Variants in ZHX2 observed in about 807,000 individuals in gnomAD.
The protein encoded by ZHX2 is zinc fingers and homeoboxes protein 2.
In ZHX2, 6 loss-of-function variants were observed where a neutral mutation model predicts 21.9. That is an observed-to-expected ratio of 0.27 (90% CI 0.15 to 0.54). The LOEUF is 0.54. Among genes scored for constraint, ZHX2 ranks in the 20% least tolerant of loss-of-function variants. ZHX2 has a pLI of 0.95. For missense variants in ZHX2, 908 were observed against 1,090.7 expected, an observed-to-expected ratio of 0.83 and a Z score of 2.36; for synonymous variants, 434 against 437.1, an observed-to-expected ratio of 0.99 and a Z score of 0.09.
Position 122,952,751 on chromosome 8 carries a change from C to G in ZHX2, c.1241C>G (p.Ala414Gly). ...AAGAGACCCTTGGTGACTCCCCAAG[C>G]TGCCCCCGAACCCAAGCGTCCACAC... is the stretch of plus-strand genomic sequence containing the variant. The part of the protein sequence containing the change: ...GQKRPLVTPQ[A>G]APEPKRPHIA... The change falls in exon 3 of 4, where the codon GCT becomes GGT. Residue 414 changes from alanine (A) to glycine (G), a missense_variant. Around this residue, in one of 4 missense-constraint regions of ZHX2, gnomAD observed 232 missense variants for 361.8 expected, o/e 0.64. Transcript: ENST00000314393. This position sits in a 1 kb window ranked among gnomAD's most constrained non-coding sequence, Gnocchi z 6.9. The G allele has an allele frequency of 2.5e-6, 4 of 1,614,166 alleles. No individual in the cohort carries two copies. Among genetic ancestry groups the G allele is most frequent in the Non-Finnish European group, 3.4e-6 (4 of 1,180,038 alleles).
At chr8:122,912,176 T>TG (rs564540746) in intron 2 of ZHX2, among the ~76,000 whole-genome samples, 285 of 152,346 alleles carry the variant, frequency 1.9e-3, no homozygotes, top group Middle Eastern at 0.01. Flanking sequence ...GCCAATGTCA[T>TG]GCTTTTCCAG....
chr8:122,884,376 G>C (rs1214007498), intron 2 of ZHX2, among the ~76,000 whole-genome samples: 1 of 152,182 alleles, frequency 6.6e-6, no homozygotes, highest in Non-Finnish European at 1.5e-5. Context: ...TATTCAACTT[G>C]TTTTCTAATT....
intron 1 of ZHX2, among the ~76,000 whole-genome samples, chr8:122,862,768 C>T (rs1819197419): frequency 6.6e-6 from 1 of 152,090 alleles, no homozygotes; most frequent in Admixed American, 6.5e-5. Context: ...GCGGGCTGGG[C>T]GTGGGGAGTG....
rs183181054 is a variant in ZHX2 at position 122,865,010 on chromosome 8, C to G, written c.-220+1471C>G. On this transcript the variant is annotated intron_variant, in intron 2 of 3. Coordinates refer to ENST00000314393, the MANE Select transcript of ZHX2 (RefSeq NM_014943.5). ...TGTTTTTCTTTAAGAAACTGACAGC[C>G]TGGATGAGAATCGAGTTTGACAGTG... Among the ~76,000 whole-genome samples the G allele has an allele frequency of 3.0e-3, 463 of 152,204 alleles. 2 individuals carry two copies. The highest frequency in any genetic ancestry group is 0.011 in the African/African-American group (437 of 41,502).
intron 1 of ZHX2, among the ~76,000 whole-genome samples, chr8:122,794,496 T>C (rs1367792030): frequency 6.6e-6 from 1 of 151,722 alleles, no homozygotes; most frequent in African/African-American, 2.4e-5. Context: ...CATAAAAGAG[T>C]GAAGGGGTCA....
At chr8:122,906,639 T>G (rs1020979619) in intron 2 of ZHX2, among the ~76,000 whole-genome samples, 51 of 152,072 alleles carry the variant, frequency 3.4e-4, no homozygotes, top group Admixed American at 1.3e-3. Context: ...TACTTTTACT[T>G]TAAACACTTC....
intron 1 of ZHX2, among the ~76,000 whole-genome samples, chr8:122,847,487 T>TCCTCAAGGGTGGG (rs1188444225): frequency 6.6e-6 from 1 of 152,184 alleles, no homozygotes; most frequent in African/African-American, 2.4e-5. Context: ...TCCAGGTCCC[T>TCCTCAAGGGTGGG]CCTCAAGGGT....
intron 2 of ZHX2, among the ~76,000 whole-genome samples, chr8:122,913,547 G>A (rs570663102): frequency 1.3e-5 from 2 of 152,242 alleles, no homozygotes; most frequent in African/African-American, 2.4e-5. Context: ...TTGGCAGGTG[G>A]GACTCTCCCT....
intron 2 of ZHX2, among the ~76,000 whole-genome samples, chr8:122,897,017 G>A (rs1820114846): frequency 6.6e-6 from 1 of 152,154 alleles, no homozygotes; most frequent in African/African-American, 2.4e-5. Context: ...AGATACCTAG[G>A]GTATGGGAAT....
At chr8:122,794,741 C>T (rs187385940) in intron 1 of ZHX2, among the ~76,000 whole-genome samples, 2 of 152,136 alleles carry the variant, frequency 1.3e-5, no homozygotes, top group African/African-American at 4.8e-5. Context: ...CCACATACCC[C>T]ACACTTCAGT....
intron 2 of ZHX2, among the ~76,000 whole-genome samples, chr8:122,938,653 A>G (rs1274538801): frequency 6.6e-6 from 1 of 152,122 alleles, no homozygotes; most frequent in South Asian, 2.1e-4. Flanking sequence ...CCTGGGCAAC[A>G]TGGTGAAACA....
Position 122,952,139 on chromosome 8 carries a change from A to C in ZHX2, c.629A>C (p.Asn210Thr), listed in dbSNP as rs1040201295. ...AAGCCCGAGGAGATCACCCCCGAGA[A>C]CCACGTGGAAGGGACCGCCCGCCTG... ...PKKPEEITPE[N>T]HVEGTARLVT... The change falls in exon 3 of 4, where the codon AAC becomes ACC. Residue 210 changes from asparagine to threonine, a missense_variant. Physicochemically the swap from Asn to Thr is moderately conservative, Grantham distance 65. Transcript: ENST00000314393. The surrounding 1 kb of genome is among the most constrained non-coding windows in gnomAD (Gnocchi z 6.9). 3 of 1,613,582 alleles carry C rather than the reference A, an allele frequency of 1.9e-6. No homozygotes were observed. Among genetic ancestry groups the C allele is most frequent in the Non-Finnish European group, 2.5e-6 (3 of 1,179,940 alleles).
intron 1 of ZHX2, among the ~76,000 whole-genome samples, chr8:122,792,668 G>T (rs892245833): frequency 6.6e-6 from 1 of 152,140 alleles, no homozygotes; most frequent in African/African-American, 2.4e-5. Flanking sequence ...TTACAGGTGG[G>T]GGAACTGAGG....
rs184731017 is a variant in ZHX2 at position 122,952,155 on chromosome 8, C to A, written c.645C>A (p.Thr215=). ...EITPENHVEG[T]ARLVTDTAEI... The stretch of plus-strand genomic sequence containing the variant: ...CCCCCGAGAACCACGTGGAAGGGAC[C>A]GCCCGCCTGGTGACAGACACAGCTG... Residue 215 remains threonine (T), a synonymous_variant, in exon 3 of 4, where the codon ACC becomes ACA. Transcript: ENST00000314393. The surrounding 1 kb of genome is among the most constrained non-coding windows in gnomAD (Gnocchi z 6.9). The A allele has an allele frequency of 1.2e-6, 2 of 1,613,424 alleles. No individual in the cohort carries two copies. The highest frequency in any genetic ancestry group is 2.7e-5 in the African/African-American group (2 of 74,674).
At chr8:122,898,235 C>A (rs562248899) in intron 2 of ZHX2, among the ~76,000 whole-genome samples, 1 of 152,042 alleles carries the variant, frequency 6.6e-6, no homozygotes, top group Non-Finnish European at 1.5e-5. Flanking sequence ...CTTCTTTGTT[C>A]CAAAGCTCTT....
At chr8:122,911,918 G>T (rs752646949) in intron 2 of ZHX2, among the ~76,000 whole-genome samples, 2 of 152,134 alleles carry the variant, frequency 1.3e-5, no homozygotes, top group African/African-American at 2.4e-5. Context: ...CCTTTTAGAG[G>T]CGGGGAATGG....
chr8:122,951,246 T>C (rs887158526), intron 2 of ZHX2, 46 bp from the exon 3 acceptor site: 2 of 418,584 alleles, frequency 4.8e-6, no homozygotes, highest in Non-Finnish European at 4.3e-6. Flanking sequence ...CCAGTTTCTT[T>C]TGCGTTGTGA....
At chr8:122,887,050 CGTGTGT>C (rs10549696) in intron 2 of ZHX2, among the ~76,000 whole-genome samples, 50,307 of 136,170 alleles carry the variant, frequency 0.37, 9,288 homozygotes, top group South Asian at 0.53. Context: ...GCTCTGCCAC[CGTGTGT>C]GTGTGTGTGT....
intron 2 of ZHX2, among the ~76,000 whole-genome samples, chr8:122,896,777 A>G (rs764181290): frequency 3.3e-5 from 5 of 152,194 alleles, no homozygotes; most frequent in Non-Finnish European, 5.9e-5. Flanking sequence ...GCACAGTACT[A>G]GGTATGAAGG....
Sources: allele counts gnomAD v4.1 joint callset (sites outside exome capture counted in the v4.1 genomes callset), GRCh38; gene constraint gnomAD v4.1.1; regional missense constraint gnomAD v4.1.1; non-coding constraint Gnocchi (gnomAD v3.1); transcripts MANE v1.5; gene names NCBI Gene and HGNC (gene_info 2026-07-23, HGNC 2026-07-21).